GNA12: variants seen among roughly 807,000 people sequenced by gnomAD.
GNA12 encodes G protein subunit alpha 12, also known as guanine nucleotide-binding protein subunit alpha-12.
A neutral mutation model predicts 26.0 loss-of-function variants in GNA12; 9 were observed. The ratio of observed to expected loss-of-function variants is 0.35; its 90% CI spans 0.21 to 0.60. GNA12 has a LOEUF of 0.60. GNA12 is among the 20% of genes least tolerant of loss of function. The probability of loss-of-function intolerance (pLI) is 0.78; values close to 1 mark genes in which losing one functional copy is unlikely to be tolerated. For synonymous variants in GNA12, 264 were observed against 219.6 expected, an observed-to-expected ratio of 1.20 and a Z score of -1.79; for missense variants, 405 against 525.8, an observed-to-expected ratio of 0.77 and a Z score of 2.25.
intron 2 of GNA12, among the ~76,000 whole-genome samples, chr7:2,752,042 C>T (rs934373885): frequency 9.9e-5 from 15 of 151,874 alleles, no homozygotes; most frequent in Admixed American, 9.2e-4. Flanking sequence ...ACAAGATTAT[C>T]AAAAAAGAAA....
intron 1 of GNA12, among the ~76,000 whole-genome samples, chr7:2,819,496 A>C (rs574167581): frequency 1.3e-5 from 2 of 152,306 alleles, no homozygotes; most frequent in Admixed American, 1.3e-4. Flanking sequence ...GGTGTATGTG[A>C]CTCATTACTG....
chr7:2,774,578 G>A (rs1792029842), intron 2 of GNA12, among the ~76,000 whole-genome samples: 1 of 152,190 alleles, frequency 6.6e-6, no homozygotes, highest in African/African-American at 2.4e-5. Context: ...GCTTGCCGAG[G>A]CAAAGGGGGG....
At chr7:2,766,117 C>G (rs1431352555) in intron 2 of GNA12, among the ~76,000 whole-genome samples, 1 of 152,116 alleles carries the variant, frequency 6.6e-6, no homozygotes, top group Non-Finnish European at 1.5e-5. Flanking sequence ...TAAACAACTC[C>G]CATTTCCCCC....
chr7:2,830,273 G>A (rs138731086), intron 1 of GNA12, among the ~76,000 whole-genome samples: 443 of 152,318 alleles, frequency 2.9e-3, no homozygotes, highest in Non-Finnish European at 5.2e-3. Flanking sequence ...CTGTGTTCAT[G>A]CTCATACGAG....
At chr7:2,841,263 T>C (rs757208359) in intron 1 of GNA12, among the ~76,000 whole-genome samples, 1 of 152,244 alleles carries the variant, frequency 6.6e-6, no homozygotes, top group Non-Finnish European at 1.5e-5. Flanking sequence ...CCCATTCTCC[T>C]GCCAGGAGGT....
intron 2 of GNA12, among the ~76,000 whole-genome samples, chr7:2,743,452 G>A (rs1790607428): frequency 6.6e-6 from 1 of 152,186 alleles, no homozygotes; most frequent in African/African-American, 2.4e-5. Flanking sequence ...CAGATACTGG[G>A]ATGGCTTGAC....
intron 2 of GNA12, among the ~76,000 whole-genome samples, chr7:2,748,844 G>GTT (rs1562403543): frequency 5.9e-5 from 9 of 152,058 alleles, no homozygotes; most frequent in Non-Finnish European, 1.2e-4. Flanking sequence ...TCAAAAAGTG[G>GTT]GCAAAGGACA....
rs766643469 is a variant in GNA12 at position 2,731,725 on chromosome 7, A to G, written c.602T>C (p.Ile201Thr). Residue 201 changes from isoleucine (I) to threonine (T), a missense_variant, in exon 4 of 4, where the codon ATC becomes ACC. By Grantham distance (89) the Ile-to-Thr change is moderately conservative. Coordinates refer to ENST00000275364, the MANE Select transcript of GNA12 (RefSeq NM_007353.3). This position sits in a 1 kb window ranked among gnomAD's most constrained non-coding sequence, Gnocchi z 6.0. ...QLNYFPSKQD[I>T]LLARKATKGI... ...CTTGGTGGCTTTCCTAGCCAGCAGGATATCTTGCTTACTAGGAAAGTAATT... is the reference window on the plus strand; with the variant it reads ...CTTGGTGGCTTTCCTAGCCAGCAGGGTATCTTGCTTACTAGGAAAGTAATT... 3.2e-6 allele frequency: 5 copies of G among 1,553,520 alleles called. No individual in the cohort carries two copies. Among genetic ancestry groups the G allele is most frequent in the Admixed American group, 1.9e-5 (1 of 52,832 alleles).
Position 2,731,103 on chromosome 7 carries a change from A to G in GNA12, c.*78T>C, listed in dbSNP as rs1789864636. ...TCCGAGAAACCCACTCAAGGACCAC[A>G]CAGACAACACACACCCAAGAGTCTG... On this transcript the variant is annotated 3_prime_UTR_variant, in exon 4 of 4. Transcript: ENST00000275364. The surrounding 1 kb of genome is among the most constrained non-coding windows in gnomAD (Gnocchi z 6.0). 2 of 972,440 alleles carry G rather than the reference A, an allele frequency of 2.1e-6. No homozygotes were observed. The highest frequency in any genetic ancestry group is 3.1e-6 in the Non-Finnish European group (2 of 636,988). 60.2% of individuals were successfully genotyped at this position (972,440 alleles called of 1,614,324 possible).
At chr7:2,734,573 T>C (rs189197208) in intron 2 of GNA12, among the ~76,000 whole-genome samples, 1 of 152,282 alleles carries the variant, frequency 6.6e-6, no homozygotes, top group Admixed American at 6.5e-5. Flanking sequence ...TTGTAAGGGA[T>C]GGAGAAAGGC....
At chr7:2,824,670 C>T (rs769796106) in intron 1 of GNA12, among the ~76,000 whole-genome samples, 17 of 152,186 alleles carry the variant, frequency 1.1e-4, no homozygotes, top group Non-Finnish European at 1.3e-4. Context: ...GCTGATTCAC[C>T]GACTTATTAA....
chr7:2,762,902 G>A (rs1481555233), intron 2 of GNA12: 3 of 1,421,612 alleles, frequency 2.1e-6, no homozygotes, highest in Non-Finnish European at 2.8e-6. Flanking sequence ...TGCTGCGGCG[G>A]GGAGAAGAGG....
At chr7:2,745,048 G>A (rs892413804) in intron 2 of GNA12, among the ~76,000 whole-genome samples, 5 of 152,334 alleles carry the variant, frequency 3.3e-5, no homozygotes, top group African/African-American at 1.2e-4. Flanking sequence ...TCTGATTGGT[G>A]TACCTGAAAG....
rs553169344 is a variant in GNA12 at position 2,731,115 on chromosome 7, C to T, written c.*66G>A. ...ACTCAAGGACCACACAGACAACACA[C>T]ACCCAAGAGTCTGACCGACAGCCGT... On this transcript the variant is annotated 3_prime_UTR_variant, in exon 4 of 4. Coordinates refer to ENST00000275364, the MANE Select transcript of GNA12 (RefSeq NM_007353.3). The surrounding 1 kb of genome is among the most constrained non-coding windows in gnomAD (Gnocchi z 6.0). 2.8e-6 allele frequency: 3 copies of T among 1,077,862 alleles called. No individual in the cohort carries two copies. Among genetic ancestry groups the T allele is most frequent in the East Asian group, 2.4e-5 (1 of 42,236 alleles). 66.8% of individuals were successfully genotyped at this position (1,077,862 alleles called of 1,614,324 possible).
At chr7:2,758,957 T>C (rs1791428295) in intron 2 of GNA12, among the ~76,000 whole-genome samples, 1 of 151,966 alleles carries the variant, frequency 6.6e-6, no homozygotes, top group Non-Finnish European at 1.5e-5. Flanking sequence ...CCTCCTGATA[T>C]GGTGAAACAC....
At chr7:2,741,395 G>A (rs1346592905) in intron 2 of GNA12, among the ~76,000 whole-genome samples, 1 of 152,106 alleles carries the variant, frequency 6.6e-6, no homozygotes, top group Admixed American at 6.6e-5. Flanking sequence ...GGCTAGGGGT[G>A]GGGAGAGCTC....
chr7:2,743,748 G>C (rs545013791), intron 2 of GNA12, among the ~76,000 whole-genome samples: 2 of 152,330 alleles, frequency 1.3e-5, no homozygotes, highest in African/African-American at 2.4e-5. Context: ...GGAAGCGCAA[G>C]GGGTCAGGGA....
In GNA12 at chr7:2,790,001, T is replaced by C. The variant is rs151096316; in HGVS notation, c.525+4927A>G. Among the ~76,000 whole-genome samples, 751 of 152,338 alleles carry C rather than the reference T, an allele frequency of 4.9e-3. 10 individuals are homozygous for C. Among genetic ancestry groups the C allele is most frequent in the African/African-American group, 0.017 (709 of 41,576 alleles). ...GTTTCTGTGCTTGCATCCACGTGCA[T>C]GCATACTCTTCTTGCCTAAAGCCTG... On this transcript the variant is annotated intron_variant, in intron 2 of 3. Transcript: ENST00000275364.
At chr7:2,774,672 G>C (rs1041966714) in intron 2 of GNA12, among the ~76,000 whole-genome samples, 1 of 152,200 alleles carries the variant, frequency 6.6e-6, no homozygotes, top group Non-Finnish European at 1.5e-5. Context: ...GTCAACACGT[G>C]TCACTGAATC....
Sources: allele counts gnomAD v4.1 joint callset (sites outside exome capture counted in the v4.1 genomes callset), GRCh38; gene constraint gnomAD v4.1.1; non-coding constraint Gnocchi (gnomAD v3.1); transcripts MANE v1.5; gene names NCBI Gene and HGNC (gene_info 2026-07-23, HGNC 2026-07-21).